TXNRD2: variants seen among roughly 807,000 people sequenced by gnomAD.
TXNRD2 encodes thioredoxin reductase 2.
In TXNRD2, 67 loss-of-function variants were observed where a neutral mutation model predicts 70.8. That is an observed-to-expected ratio of 0.95 (90% CI 0.78 to 1.16). The LOEUF (loss-of-function observed/expected upper bound fraction) is 1.16. TXNRD2 is among the 50% of genes most tolerant of loss of function. The pLI is 0.00. For missense variants in TXNRD2, 644 were observed against 719.9 expected (o/e 0.89, Z 1.21); for synonymous variants, 301 against 295.8 (o/e 1.02, Z -0.18).
intron 8 of TXNRD2, chr22:19,911,054 G>A (rs1278934397): frequency 1.6e-5 from 6 of 380,538 alleles, no homozygotes; most frequent in African/African-American, 8.5e-5. Flanking sequence ...CAGTTTGGGG[G>A]ACAGAGTGAG....
chr22:19,890,458 C>G (rs1408092537), intron 11 of TXNRD2, among the ~76,000 whole-genome samples: 1 of 152,212 alleles, frequency 6.6e-6, no homozygotes, highest in Non-Finnish European at 1.5e-5. Flanking sequence ...ATGTGGATGC[C>G]AGGGTCACTG....
chr22:19,880,161 G>A lies in TXNRD2; in HGVS notation c.1275+18C>T, dbSNP rs374333900. The A allele has an allele frequency of 4.6e-5, 74 of 1,611,842 alleles. No individual in the cohort carries two copies. In the African/African-American group the frequency reaches 9.5e-4, roughly 21 times the overall value. On this transcript the variant is annotated intron_variant, in intron 14 of 17. Transcript: ENST00000400521. ...TGGAGTCGCCACTGTCCTCAGCTGT[G>A]CTGCTCCCAGGCCTCACCTCAACAT...
chr22:19,877,671 T>G (rs1405078751), intron 16 of TXNRD2, among the ~76,000 whole-genome samples: 1 of 152,162 alleles, frequency 6.6e-6, no homozygotes, highest in Admixed American at 6.5e-5. Flanking sequence ...CCAGAGCCTT[T>G]GCCATGGCTT....
intron 1 of TXNRD2, among the ~76,000 whole-genome samples, chr22:19,931,651 C>T (rs910143721): frequency 4.6e-5 from 7 of 152,080 alleles, no homozygotes; most frequent in African/African-American, 1.2e-4. Flanking sequence ...CTACAAGCAC[C>T]GATCACCACG....
At chr22:19,900,819 C>T (rs1052096193) in intron 8 of TXNRD2, among the ~76,000 whole-genome samples, 2 of 152,240 alleles carry the variant, frequency 1.3e-5, no homozygotes, top group Non-Finnish European at 2.9e-5. Flanking sequence ...CTTTGCATAT[C>T]CTGCCCTAAA....
At chr22:19,938,862 TA>T (rs1339327753) in intron 1 of TXNRD2, among the ~76,000 whole-genome samples, 2 of 152,200 alleles carry the variant, frequency 1.3e-5, no homozygotes, top group African/African-American at 4.8e-5. Context: ...AAGGCTGGTT[TA>T]AAAGCATAAT....
intron 8 of TXNRD2, among the ~76,000 whole-genome samples, chr22:19,905,458 A>G (rs1009312228): frequency 6.6e-6 from 1 of 152,168 alleles, no homozygotes; most frequent in African/African-American, 2.4e-5. Flanking sequence ...GCGCTCCCCA[A>G]GCCCCAGCCA....
chr22:19,901,465 C>T (rs748374722), intron 8 of TXNRD2, among the ~76,000 whole-genome samples: 1 of 152,200 alleles, frequency 6.6e-6, no homozygotes, highest in African/African-American at 2.4e-5. Context: ...GCTCACGTCT[C>T]GCTCGTGTGG....
intron 2 of TXNRD2, among the ~76,000 whole-genome samples, chr22:19,922,482 TA>T (rs1333613718): frequency 6.6e-6 from 1 of 152,198 alleles, no homozygotes; most frequent in African/African-American, 2.4e-5. Flanking sequence ...ATTAACATGT[TA>T]AAAACAAACC....
At chr22:19,911,041 A>C (rs4819525) in intron 8 of TXNRD2, 370,291 of 370,292 alleles carry the variant, frequency 1, 185,145 homozygotes, top group Non-Finnish European at 1. Context: ...GGCCATTGCA[A>C]TTCAGTTTGG....
intron 1 of TXNRD2, among the ~76,000 whole-genome samples, chr22:19,937,108 T>C (rs1352550527): frequency 6.6e-6 from 1 of 152,338 alleles, no homozygotes; most frequent in Non-Finnish European, 1.5e-5. Flanking sequence ...GCAAAAGCTG[T>C]TCTAACTCCA....
rs1940608751 is a variant in TXNRD2 at position 19,915,757 on chromosome 22, A to T, written c.528+8T>A. 2 of 1,614,134 alleles carry T rather than the reference A, an allele frequency of 1.2e-6. No homozygotes were observed. Among genetic ancestry groups the T allele is most frequent in the East Asian group, 4.5e-5 (2 of 44,882 alleles). On this transcript the variant is annotated splice_region_variant and intron_variant, in intron 6 of 17. Coordinates refer to ENST00000400521, the MANE Select transcript of TXNRD2 (RefSeq NM_006440.5). ...ACAAGGAGCCACGCGAGTAAGTCAG[A>T]TGCTCACCTCTTTCCCACCTTTGGC...
At chr22:19,879,107 T>G (rs1198088725) in intron 14 of TXNRD2, among the ~76,000 whole-genome samples, 2 of 152,184 alleles carry the variant, frequency 1.3e-5, no homozygotes, top group Non-Finnish European at 1.5e-5. Context: ...AAAACAACAT[T>G]ATAAAATGCC....
At chr22:19,894,220 T>C (rs949550101) in intron 11 of TXNRD2, 2 of 152,124 alleles carry the variant, frequency 1.3e-5, no homozygotes, top group African/African-American at 4.8e-5. Flanking sequence ...AGGAGTCAGA[T>C]CCATAGAGAC....
intron 1 of TXNRD2, among the ~76,000 whole-genome samples, chr22:19,939,986 G>A (rs1266494244): frequency 3.3e-5 from 5 of 152,174 alleles, no homozygotes; most frequent in Non-Finnish European, 5.9e-5. Flanking sequence ...GCTCATGCCT[G>A]TAATCCCAGC....
intron 8 of TXNRD2, among the ~76,000 whole-genome samples, chr22:19,910,396 T>C (rs1347718075): frequency 6.6e-6 from 1 of 152,168 alleles, no homozygotes; most frequent in Non-Finnish European, 1.5e-5. Context: ...AGGGCTGGGA[T>C]AGGGATTGCT....
chr22:19,893,029 C>T (rs142660113), intron 11 of TXNRD2, among the ~76,000 whole-genome samples: 35 of 152,356 alleles, frequency 2.3e-4, no homozygotes, highest in Non-Finnish European at 4.7e-4. Context: ...ATCACCTCTG[C>T]GCTTGTGTCC....
intron 8 of TXNRD2, among the ~76,000 whole-genome samples, chr22:19,907,572 G>A (rs1441239826): frequency 2.6e-4 from 9 of 34,582 alleles, no homozygotes; most frequent in African/African-American, 4.2e-4. Context: ...GAGTGTGGGC[G>A]CCGTGGGTAG....
chr22:19,932,499 G>A, intron 1 of TXNRD2: 1 of 1,585,786 alleles, frequency 6.3e-7, no homozygotes, highest in Non-Finnish European at 8.6e-7. Flanking sequence ...ATGGAGAAGG[G>A]ACTGGAGGGA....
Sources: allele counts gnomAD v4.1 joint callset (sites outside exome capture counted in the v4.1 genomes callset), GRCh38; gene constraint gnomAD v4.1.1; transcripts MANE v1.5; gene names NCBI Gene and HGNC (gene_info 2026-07-23, HGNC 2026-07-21).